The following ME3 variants were observed in gnomAD, a reference collection of about 807,000 sequenced individuals.
ME3 encodes the protein NADP-dependent malic enzyme, mitochondrial.
ME3 carries 48 observed loss-of-function variants against 68.9 expected under a neutral mutation model. The ratio of observed to expected loss-of-function variants is 0.70; its 90% confidence interval spans 0.55 to 0.89. ME3 has a LOEUF of 0.89. Among genes scored for constraint, ME3 ranks in the 40% least tolerant of loss-of-function variants. The pLI is 0.00. For missense variants in ME3, 675 were observed against 797.4 expected, an observed-to-expected ratio of 0.85 and a Z score of 1.85; for synonymous variants, 320 against 318.8, an observed-to-expected ratio of 1.00 and a Z score of -0.04.
intron 4 of ME3, among the ~76,000 whole-genome samples, chr11:86,538,737 C>G (rs564314051): frequency 6.6e-6 from 1 of 152,254 alleles, no homozygotes; most frequent in East Asian, 1.9e-4. Flanking sequence ...TTAACATCCT[C>G]AAAACTTGCT....
chr11:86,538,316 C>T (rs1430289297), intron 4 of ME3, among the ~76,000 whole-genome samples: 3 of 152,142 alleles, frequency 2.0e-5, no homozygotes, highest in African/African-American at 7.2e-5. Flanking sequence ...TTAGGCAAGT[C>T]TCTGCCTCCT....
chr11:86,448,023 G>A, intron 11 of ME3, 127 bp downstream of exon 11: 3 of 648,900 alleles, frequency 4.6e-6, no homozygotes, highest in East Asian at 5.4e-5. Context: ...GCATTGAATT[G>A]CACATGGGAT....
intron 2 of ME3, among the ~76,000 whole-genome samples, chr11:86,573,234 A>G (rs531797243): frequency 7.9e-5 from 12 of 152,166 alleles, no homozygotes; most frequent in East Asian, 5.8e-4. Flanking sequence ...TAGGTTGCCT[A>G]TTCACTCTGA....
At position 86,601,948 on chromosome 11, in the gene ME3, G is replaced by A. The variant is rs375937345; in HGVS notation, c.184-42125C>T. On this transcript the variant is annotated intron_variant, in intron 2 of 14. Transcript: ENST00000543262. The stretch of plus-strand genomic sequence containing the variant: ...TCAATAAATTAGGTATTGATGGGAC[G>A]TATCTCAAAATAATAAGAGCTATCT... Among the ~76,000 whole-genome samples, 10 of 142,494 alleles carry A rather than the reference G, an allele frequency of 7.0e-5. No homozygotes were observed. In the South Asian group the frequency reaches 7.3e-4, roughly 10 times the overall value. 93.5% of individuals were successfully genotyped at this position (142,494 alleles called of 152,430 possible). A position where few individuals can be genotyped will look rare whatever the true frequency, so the allele number is the denominator to read the frequency against.
At chr11:86,505,410 C>T (rs1012544356) in intron 5 of ME3, among the ~76,000 whole-genome samples, 6 of 152,126 alleles carry the variant, frequency 3.9e-5, no homozygotes, top group Non-Finnish European at 8.8e-5. Context: ...CCAGAGAAGC[C>T]AGAAATCCAA....
At chr11:86,453,347 A>G (rs1471220043) in intron 8 of ME3, among the ~76,000 whole-genome samples, 2 of 152,212 alleles carry the variant, frequency 1.3e-5, no homozygotes, top group African/African-American at 4.8e-5. Flanking sequence ...GACAGTGTAT[A>G]TGGATGCTGG....
chr11:86,543,813 C>T lies in ME3; in HGVS notation c.467+12740G>A, dbSNP rs538431416. Among the ~76,000 whole-genome samples the T allele has an allele frequency of 5.3e-5, 8 of 152,308 alleles. No homozygotes were observed. In the South Asian group the frequency reaches 1.5e-3, roughly 28 times the overall value. On this transcript the variant is annotated intron_variant, in intron 4 of 14. Coordinates refer to ENST00000543262, the Ensembl canonical transcript of ME3. ...CTCTGGACCAAGTGGAGCTAATAGA[C>T]ATCTACAGAACTCTCCACCCCAAAT...
intron 7 of ME3, among the ~76,000 whole-genome samples, chr11:86,484,128 G>C (rs1472795494): frequency 6.6e-6 from 1 of 152,154 alleles, no homozygotes; most frequent in Non-Finnish European, 1.5e-5. Context: ...GGCAGGAACT[G>C]AGCCATAGTA....
intron 4 of ME3, among the ~76,000 whole-genome samples, chr11:86,549,431 G>A (rs74540706): frequency 0.055 from 8,400 of 152,228 alleles, 312 homozygotes; most frequent in Non-Finnish European, 0.085. Flanking sequence ...ACCACAACCT[G>A]ACTCTAAAGT....
At chr11:86,589,147 T>G (rs187798593) in intron 2 of ME3, among the ~76,000 whole-genome samples, 246 of 152,280 alleles carry the variant, frequency 1.6e-3, no homozygotes, top group African/African-American at 5.6e-3. Flanking sequence ...TCAACTGCCC[T>G]TTCCTTTCTT....
At chr11:86,671,637 G>T in intron 2 of ME3, 125 bp downstream of exon 2, 1 of 1,215,874 alleles carries the variant, frequency 8.2e-7, no homozygotes, top group Non-Finnish European at 1.2e-6. Flanking sequence ...GCCCCTGCAA[G>T]GCAAAAACAG....
chr11:86,479,519 A>G (rs1951271029), intron 7 of ME3, among the ~76,000 whole-genome samples: 1 of 152,164 alleles, frequency 6.6e-6, no homozygotes, highest in African/African-American at 2.4e-5. Context: ...ATTCTTGTAG[A>G]TACTCATTGC....
intron 4 of ME3, among the ~76,000 whole-genome samples, chr11:86,551,601 A>C (rs967906394): frequency 1.2e-4 from 18 of 152,214 alleles, no homozygotes; most frequent in African/African-American, 4.3e-4. Context: ...TTTTCATCTC[A>C]GTGAAATAAT....
intron 2 of ME3, among the ~76,000 whole-genome samples, chr11:86,637,201 TAAC>T (rs749298254): frequency 4.5e-4 from 69 of 152,230 alleles, no homozygotes; most frequent in South Asian, 1.2e-3. Context: ...CTCATTCAGT[TAAC>T]AAATACTATG....
intron 7 of ME3, among the ~76,000 whole-genome samples, chr11:86,473,259 A>C (rs1341091027): frequency 1.3e-5 from 2 of 152,232 alleles, no homozygotes; most frequent in African/African-American, 4.8e-5. Context: ...TACTGCCAAC[A>C]TGTCAAGTGA....
intron 4 of ME3, among the ~76,000 whole-genome samples, chr11:86,537,177 C>A (rs28605742): frequency 0.22 from 32,372 of 149,200 alleles, 3,727 homozygotes; most frequent in African/African-American, 0.25. Context: ...GGGAGATACA[C>A]CTAATGCTAG....
intron 2 of ME3, among the ~76,000 whole-genome samples, chr11:86,631,194 G>A (rs1277577577): frequency 6.6e-6 from 1 of 152,200 alleles, no homozygotes; most frequent in Non-Finnish European, 1.5e-5. Flanking sequence ...ATGGAGCTTG[G>A]CCTGAAGAGC....
At chr11:86,475,864 TATATATATATAGAG>T (rs914843686) in intron 7 of ME3, among the ~76,000 whole-genome samples, 10 of 114,434 alleles carry the variant, frequency 8.7e-5, no homozygotes, top group African/African-American at 3.7e-4. Context: ...TATATATATA[TATATATATATAGAG>T]AGAGAGAGAG....
intron 2 of ME3, among the ~76,000 whole-genome samples, chr11:86,599,198 A>T (rs921755032): frequency 1.3e-4 from 20 of 152,282 alleles, no homozygotes; most frequent in African/African-American, 3.9e-4. Context: ...AGTTGAAAAC[A>T]TTGAAAAAAA....
Sources: allele counts gnomAD v4.1 joint callset (sites outside exome capture counted in the v4.1 genomes callset), GRCh38; gene constraint gnomAD v4.1.1; transcripts MANE v1.5; gene names NCBI Gene and HGNC (gene_info 2026-07-23, HGNC 2026-07-21).